Variants in SLCO2A1 observed in about 807,000 individuals in gnomAD.
SLCO2A1 encodes solute carrier organic anion transporter family member 2A1.
Under a neutral mutation model 71.7 loss-of-function variants are expected in SLCO2A1, and 60 were observed. The observed-to-expected ratio is 0.84, with a 90% CI of 0.68 to 1.04. The LOEUF is 1.04. SLCO2A1 is among the 50% of genes least tolerant of loss of function. The pLI, the probability that SLCO2A1 is intolerant of heterozygous loss-of-function variation, is 0.00. For synonymous variants in SLCO2A1, 308 were observed against 326.7 expected (o/e 0.94, Z 0.62); for missense variants, 745 against 813.4 (o/e 0.92, Z 1.02).
intron 2 of SLCO2A1, among the ~76,000 whole-genome samples, chr3:133,976,141 C>T (rs1934440480): frequency 1.3e-5 from 2 of 152,198 alleles, no homozygotes; most frequent in South Asian, 2.1e-4. Context: ...ACCCCTCCAG[C>T]ATGGCCAAGA....
At chr3:133,946,301 T>C (rs1420434941) in intron 9 of SLCO2A1, among the ~76,000 whole-genome samples, 1 of 149,842 alleles carries the variant, frequency 6.7e-6, no homozygotes, top group African/African-American at 2.5e-5. Context: ...ATGTTGCAAC[T>C]TCATTAGGCA....
intron 1 of SLCO2A1, among the ~76,000 whole-genome samples, chr3:133,991,959 G>A (rs1934856419): frequency 6.6e-6 from 1 of 152,198 alleles, no homozygotes. Flanking sequence ...GAGGCCACAG[G>A]AAACCACAAC....
At chr3:133,960,301 G>C (rs894803950) in intron 3 of SLCO2A1, among the ~76,000 whole-genome samples, 1 of 152,164 alleles carries the variant, frequency 6.6e-6, no homozygotes, top group Non-Finnish European at 1.5e-5. Context: ...GTTAGAAACA[G>C]CCCAAATATT....
chr3:133,956,282 G>A (rs1439811417), intron 3 of SLCO2A1, among the ~76,000 whole-genome samples: 9 of 152,136 alleles, frequency 5.9e-5, no homozygotes, highest in Non-Finnish European at 1.3e-4. Flanking sequence ...GGACTCTGCC[G>A]GTGCTGTTGG....
chr3:133,955,214 G>C (rs1326123755), intron 3 of SLCO2A1, 21 bp from the exon 4 acceptor site: 1 of 1,597,958 alleles, frequency 6.3e-7, no homozygotes, highest in Non-Finnish European at 8.5e-7. Flanking sequence ...AGTGCTTGCT[G>C]GTCTCCACCA....
chr3:133,954,319 T>G (rs942731158), intron 4 of SLCO2A1, among the ~76,000 whole-genome samples: 1 of 150,486 alleles, frequency 6.6e-6, no homozygotes, highest in Admixed American at 6.6e-5. Flanking sequence ...TGCGCCACCA[T>G]GCCCAGCTAA....
intron 3 of SLCO2A1, chr3:133,955,429 G>A (rs1933875595): frequency 1.8e-6 from 1 of 548,750 alleles, no homozygotes; most frequent in African/African-American, 1.9e-5. Context: ...GGCCCCAGGA[G>A]CTGCTATTTC....
intron 9 of SLCO2A1, among the ~76,000 whole-genome samples, chr3:133,946,247 A>C (rs894427223): frequency 6.6e-6 from 1 of 152,068 alleles, no homozygotes; most frequent in African/African-American, 2.4e-5. Flanking sequence ...AAAAAAAAAA[A>C]AAAACAGAGA....
At chr3:133,974,213 G>A (rs1190324634) in intron 2 of SLCO2A1, among the ~76,000 whole-genome samples, 1 of 152,190 alleles carries the variant, frequency 6.6e-6, no homozygotes, top group African/African-American at 2.4e-5. Context: ...AATTAAGCTT[G>A]AGAGTTTGTA....
At chr3:133,959,598 G>T (rs1215841495) in intron 3 of SLCO2A1, among the ~76,000 whole-genome samples, 1 of 152,120 alleles carries the variant, frequency 6.6e-6, no homozygotes, top group Non-Finnish European at 1.5e-5. Flanking sequence ...GCCAAGAGGG[G>T]CAGATTGCTT....
At chr3:133,979,356 T>C in intron 2 of SLCO2A1, 125 bp downstream of exon 2, 2 of 1,224,648 alleles carry the variant, frequency 1.6e-6, no homozygotes, top group East Asian at 2.3e-5. Flanking sequence ...CGTTTGCTGT[T>C]ACCCGGCAGA....
intron 1 of SLCO2A1, among the ~76,000 whole-genome samples, chr3:134,017,032 G>A (rs1935468298): frequency 6.6e-6 from 1 of 152,208 alleles, no homozygotes; most frequent in Non-Finnish European, 1.5e-5. Flanking sequence ...GGTTAGAGAT[G>A]GTAGTCACGG....
intron 3 of SLCO2A1, among the ~76,000 whole-genome samples, chr3:133,961,052 T>C (rs183736274): frequency 3.2e-4 from 48 of 151,998 alleles, no homozygotes; most frequent in African/African-American, 1.1e-3. Context: ...GACTTGTGCA[T>C]GATGGGAAGG....
rs145726170 is a variant in SLCO2A1 at position 133,997,365 on chromosome 3, C to T, written c.97-17747G>A. 1.1e-3 allele frequency among the ~76,000 whole-genome samples: 166 copies of T among 152,326 alleles called. 1 individual carries two copies. The highest frequency in any genetic ancestry group is 3.9e-3 in the African/African-American group (163 of 41,566). On this transcript the variant is annotated intron_variant, in intron 1 of 13. Coordinates refer to ENST00000310926, the MANE Select transcript of SLCO2A1 (RefSeq NM_005630.3). ...TGTGGTGGGTTTAACCCCCGGTGCT[C>T]ATGACCGTGACATTATTTGGAAATA...
At chr3:133,962,551 C>T (rs6804798) in intron 3 of SLCO2A1, among the ~76,000 whole-genome samples, 25,552 of 152,126 alleles carry the variant, frequency 0.17, 2,366 homozygotes, top group African/African-American at 0.22. Flanking sequence ...TCTGATCTAG[C>T]GACATTGATA....
In SLCO2A1 at chr3:133,954,990, G is replaced by T; in HGVS notation, c.601C>A (p.Pro201Thr). 6.2e-7 allele frequency: 1 copy of T among 1,614,096 alleles called. No individual in the cohort carries two copies. Among genetic ancestry groups the T allele is most frequent in the Non-Finnish European group, 8.5e-7 (1 of 1,180,002 alleles). Residue 201 changes from proline to threonine, a missense_variant, in exon 4 of 14, where the codon CCC becomes ACC. Coordinates refer to ENST00000310926, the MANE Select transcript of SLCO2A1 (RefSeq NM_005630.3). ...GISYVDDFSEPSNSPLYISIL... is the reference protein window; with the variant it reads ...GISYVDDFSETSNSPLYISIL... ...CAGATGTACAGGGGCGAGTTGCTGG[G>T]CTCTGAGAAGTCATCCACATAGGAG... is the stretch of plus-strand genomic sequence containing the variant.
chr3:133,963,127 T>C (rs4404445), intron 3 of SLCO2A1, among the ~76,000 whole-genome samples: 152,293 of 152,294 alleles, frequency 1, 76,146 homozygotes, highest in Non-Finnish European at 1. Context: ...CCCACCAGCA[T>C]GTGAGTCAAC....
chr3:133,945,319 A>T (rs751337294), intron 9 of SLCO2A1, 59 bp from the exon 10 acceptor site: 1 of 1,495,754 alleles, frequency 6.7e-7, no homozygotes, highest in Non-Finnish European at 9.0e-7. Flanking sequence ...AAAACCCTAC[A>T]CTCCAGCCCA....
Position 133,947,261 on chromosome 3 carries a change from G to C in SLCO2A1, c.1290C>G (p.Pro430=), listed in dbSNP as rs184228941. 20 of 1,613,790 alleles carry C rather than the reference G, an allele frequency of 1.2e-5. No individual in the cohort carries two copies. The East Asian group carries it at 1.3e-4, about 11-fold the overall frequency. The change falls in exon 9 of 14, where the codon CCC becomes CCG. Residue 430 remains proline, a synonymous_variant. Transcript: ENST00000310926. ...CSTPTVAEVY[P]PSTSSSIHPQ... is the part of the protein sequence containing the mutation. ...CTACCCCTTATTCCCATTACCTAGG[G>C]GGGTAGACTTCGGCCACAGTTGGGG...
Sources: gnomAD v4.1 joint callset for allele counts (sites outside exome capture counted in the v4.1 genomes callset) on GRCh38, gnomAD v4.1.1 for gene constraint, MANE v1.5 for transcripts, NCBI Gene and HGNC (gene_info 2026-07-23, HGNC 2026-07-21) for gene names.